The following ADAM9 variants were observed in gnomAD, a reference collection of about 807,000 sequenced individuals.
ADAM9 encodes ADAM metallopeptidase domain 9.
Under a neutral mutation model 108.1 loss-of-function variants are expected in ADAM9, and 54 were observed. That is an observed-to-expected ratio of 0.50 (90% confidence interval 0.40 to 0.63). ADAM9 has a LOEUF of 0.63. ADAM9 is among the 20% of genes least tolerant of loss of function. ADAM9 has a pLI of 0.00. For synonymous variants in ADAM9, 316 were observed against 336.0 expected (o/e 0.94, Z 0.65); for missense variants, 830 against 997.7 (o/e 0.83, Z 2.26).
At chr8:39,059,426 T>TA (rs71218303) in intron 14 of ADAM9, among the ~76,000 whole-genome samples, 152,364 of 152,364 alleles carry the variant, frequency 1, 76,182 homozygotes, top group Non-Finnish European at 1. Flanking sequence ...GCAGCAACAA[T>TA]GCCAGGTCAG....
In ADAM9 at chr8:39,077,464, T is replaced by C. The variant is rs1389033794; in HGVS notation, c.1881+53T>C. On this transcript the variant is annotated intron_variant, in intron 16 of 21. Transcript: ENST00000487273. ...GTAAAATGAAAAAAATTAAAAAAAT[T>C]ATTATACATAGTAAGTGGTTGCTCT... 2.0e-6 allele frequency: 3 copies of C among 1,476,512 alleles called. No individual in the cohort carries two copies. The East Asian group carries it at 7.4e-5, about 37-fold the overall frequency. The allele number at this position is 1,476,512 out of a possible 1,614,324, so 91.5% of individuals were successfully genotyped here. A position where few individuals can be genotyped will look rare whatever the true frequency, so the allele number is the denominator to read the frequency against.
At chr8:39,027,587 T>TA (rs1283052394) in intron 11 of ADAM9, among the ~76,000 whole-genome samples, 1 of 152,096 alleles carries the variant, frequency 6.6e-6, no homozygotes. Context: ...GTCCCAGAGC[T>TA]AAAAAATAAT....
intron 12 of ADAM9, among the ~76,000 whole-genome samples, chr8:39,048,615 T>C (rs753856084): frequency 3.9e-5 from 6 of 152,200 alleles, no homozygotes; most frequent in South Asian, 2.1e-4. Flanking sequence ...GTTCAAGTCC[T>C]GTGTTTCCGT....
chr8:39,061,045 G>C (rs1236010070), intron 14 of ADAM9, among the ~76,000 whole-genome samples: 1 of 152,250 alleles, frequency 6.6e-6, no homozygotes, highest in Non-Finnish European at 1.5e-5. Context: ...CATTCTCCAA[G>C]ATCTGTCTGT....
At chr8:39,075,194 A>G (rs907972515) in intron 15 of ADAM9, among the ~76,000 whole-genome samples, 1 of 152,152 alleles carries the variant, frequency 6.6e-6, no homozygotes, top group African/African-American at 2.4e-5. Context: ...GGCGTGAGCC[A>G]CCGCGCCTGG....
At chr8:38,999,252 G>A (rs1835923403) in intron 1 of ADAM9, among the ~76,000 whole-genome samples, 2 of 152,004 alleles carry the variant, frequency 1.3e-5, no homozygotes, top group South Asian at 4.2e-4. Context: ...GGTTTTATAG[G>A]ATTTTTACTA....
chr8:39,030,560 C>A (rs888554452), intron 11 of ADAM9, among the ~76,000 whole-genome samples: 6 of 152,242 alleles, frequency 3.9e-5, no homozygotes, highest in African/African-American at 1.4e-4. Flanking sequence ...CATAAGTGTC[C>A]GTGTGCAGGG....
chr8:39,083,915 G>T (rs957153088), intron 18 of ADAM9, among the ~76,000 whole-genome samples: 1 of 152,114 alleles, frequency 6.6e-6, no homozygotes. Flanking sequence ...GTTTCCCAAC[G>T]TGGCTATACC....
At chr8:39,008,614 TA>T in intron 2 of ADAM9, among the ~76,000 whole-genome samples, 1 of 152,336 alleles carries the variant, frequency 6.6e-6, no homozygotes, top group Admixed American at 6.5e-5. Flanking sequence ...GATTTTATTA[TA>T]ATAAGAATTA....
chr8:39,033,537 A>C (rs540489622), intron 11 of ADAM9, among the ~76,000 whole-genome samples: 1 of 151,770 alleles, frequency 6.6e-6, no homozygotes, highest in Admixed American at 6.6e-5. Context: ...AACATATTTA[A>C]ATTTTATTTT....
chr8:39,002,669 A>G (rs1195826806), intron 1 of ADAM9, among the ~76,000 whole-genome samples: 3 of 152,120 alleles, frequency 2.0e-5, no homozygotes, highest in Admixed American at 1.3e-4. Context: ...TACAATTACT[A>G]TTATGAAAAG....
Position 39,029,133 on chromosome 8 carries a change from T to TG in ADAM9, c.1130+2323_1130+2324insG, listed in dbSNP as rs368390949. Reference sequence around the variant, plus strand: ...AGAGCCAAAAAAGTGTTGTTGTTGTTTTTTTTTTTTTTTGGTTGACTTGAA... The same window carrying TG: ...AGAGCCAAAAAAGTGTTGTTGTTGTTGTTTTTTTTTTTTTGGTTGACTTGAA... On this transcript the variant is annotated intron_variant, in intron 11 of 21. Transcript: ENST00000487273. Among the ~76,000 whole-genome samples the TG allele has an allele frequency of 2.0e-3, 305 of 149,158 alleles. 1 individual carries two copies. The highest frequency in any genetic ancestry group is 6.7e-3 in the African/African-American group (275 of 41,012).
At chr8:39,071,258 A>T (rs181657998) in intron 14 of ADAM9, 40 bp from the exon 15 acceptor site, 1 of 1,589,778 alleles carries the variant, frequency 6.3e-7, no homozygotes, top group Non-Finnish European at 8.6e-7. Context: ...CTAAATTGCC[A>T]TAACTTTTTT....
At chr8:39,055,509 T>C in intron 13 of ADAM9, 68 bp from the exon 14 acceptor site, 1 of 1,495,922 alleles carries the variant, frequency 6.7e-7, no homozygotes, top group South Asian at 1.1e-5. Context: ...AATGCTGTGG[T>C]TTCACATTTG....
At chr8:39,031,637 A>C (rs1426099227) in intron 11 of ADAM9, among the ~76,000 whole-genome samples, 1 of 152,224 alleles carries the variant, frequency 6.6e-6, no homozygotes, top group Non-Finnish European at 1.5e-5. Context: ...CAACCTTCTA[A>C]AGCCTATTTC....
At chr8:39,041,905 A>T in intron 11 of ADAM9, 41 bp from the exon 12 acceptor site, 2 of 1,582,522 alleles carry the variant, frequency 1.3e-6, no homozygotes, top group Non-Finnish European at 1.7e-6. Context: ...CAAAGTGAGT[A>T]ATCACTGTGA....
rs1363868628 is a variant in ADAM9, at chr8:39,098,208, A to T, written c.2299-3655A>T. On this transcript the variant is annotated intron_variant, in intron 20 of 21. Transcript: ENST00000487273. Reference sequence around the variant, plus strand: ...TACTCTAATTGATGCTGTAGATGATATCTTTTCCATGTGGCTTTTTCTTCT... The same window carrying T: ...TACTCTAATTGATGCTGTAGATGATTTCTTTTCCATGTGGCTTTTTCTTCT... 3.3e-5 allele frequency among the ~76,000 whole-genome samples: 5 copies of T among 152,088 alleles called. No individual in the cohort carries two copies. The East Asian group carries it at 9.6e-4, about 29-fold the overall frequency.
intron 2 of ADAM9, 61 bp downstream of exon 2, chr8:39,008,044 A>G (rs1395578022): frequency 1.6e-6 from 2 of 1,278,244 alleles, no homozygotes; most frequent in African/African-American, 1.5e-5. Flanking sequence ...GTTTTAGCAC[A>G]AAGGTGTTAT....
At chr8:39,020,848 A>G (rs2129433682) in intron 7 of ADAM9, among the ~76,000 whole-genome samples, 1 of 152,156 alleles carries the variant, frequency 6.6e-6, no homozygotes, top group South Asian at 2.1e-4. Context: ...AAGCCACACA[A>G]TTCTTGAATC....
Sources: gnomAD v4.1 joint callset for allele counts (sites outside exome capture counted in the v4.1 genomes callset) on GRCh38, gnomAD v4.1.1 for gene constraint, MANE v1.5 for transcripts, NCBI Gene and HGNC (gene_info 2026-07-23, HGNC 2026-07-21) for gene names.